Variants in MRM3 observed in about 807,000 individuals in gnomAD.
MRM3 encodes the protein rRNA methyltransferase 3, mitochondrial.
A neutral mutation model predicts 29.4 loss-of-function variants in MRM3; 26 were observed. The observed-to-expected ratio is 0.89, with a 90% confidence interval of 0.65 to 1.23. The LOEUF (loss-of-function observed/expected upper bound fraction) is 1.23. Ranked by LOEUF, MRM3 falls within the 50% of genes most tolerant of loss-of-function variation. The pLI, the probability that MRM3 is intolerant of heterozygous loss-of-function variation, is 0.00. For synonymous variants in MRM3, 225 were observed against 219.0 expected (o/e 1.03, Z -0.24); for missense variants, 578 against 540.2 (o/e 1.07, Z -0.69).
chr17:788,245 TAGTG>T, intron 3 of MRM3, 113 bp downstream of exon 3: 1 of 978,692 alleles, frequency 1.0e-6, no homozygotes. Flanking sequence ...CTGGGCAACA[TAGTG>T]AGACCTCATC....
Position 788,014 on chromosome 17 carries a change from G to C in MRM3, c.609G>C (p.Gln203His), listed in dbSNP as rs111607370. Residue 203 changes from glutamine to histidine, a missense_variant, in exon 3 of 4, where the codon CAG (glutamine) becomes CAC (histidine). Transcript: ENST00000304478. The stretch of plus-strand genomic sequence containing the variant: ...TTAAGATGACATATCCAAAGACTCA[G>C]CTTCAGCATTCACTGCCTTTATTAT... Reference protein sequence around the residue: ...DHVKMTYPKTQLQHSLPLLLI... With the variant: ...DHVKMTYPKTHLQHSLPLLLI... 2.5e-6 allele frequency: 4 copies of C among 1,614,158 alleles called. No homozygotes were observed. Among genetic ancestry groups the C allele is most frequent in the African/African-American group, 2.7e-5 (2 of 75,056 alleles).
Position 792,210 on chromosome 17 carries a change from TAAG to T in MRM3, c.*144_*146del. The T allele has an allele frequency of 2.5e-6, 2 of 790,086 alleles. No individual in the cohort carries two copies. Among genetic ancestry groups the T allele is most frequent in the Non-Finnish European group, 3.9e-6 (2 of 513,462 alleles). The allele number at this position is 790,086 out of a possible 1,614,324, so 48.9% of individuals were successfully genotyped here. On this transcript the variant is annotated 3_prime_UTR_variant, in exon 4 of 4. Coordinates refer to ENST00000304478, the MANE Select transcript of MRM3 (RefSeq NM_018146.4). ...TGCCGTCATACAGTTACAGGAAAAATAAGAACTTCCTCAGAAAGAACAGGTCCG... is the reference window on the plus strand; with the variant it reads ...TGCCGTCATACAGTTACAGGAAAAATAACTTCCTCAGAAAGAACAGGTCCG...
intron 2 of MRM3, among the ~76,000 whole-genome samples, chr17:783,845 C>T (rs1487272434): frequency 6.6e-6 from 1 of 152,184 alleles, no homozygotes; most frequent in Non-Finnish European, 1.5e-5. Context: ...GGAAGAACCA[C>T]TATTCCTCAA....
chr17:789,638 C>G (rs961931551), intron 3 of MRM3: 1 of 152,236 alleles, frequency 6.6e-6, no homozygotes, highest in Non-Finnish European at 1.5e-5. Flanking sequence ...AGCTCTTTCT[C>G]AGTCACGCCT....
rs757769368 is a variant in MRM3 at position 782,673 on chromosome 17, C to G, written c.295C>G (p.Pro99Ala). The G allele has an allele frequency of 2.5e-6, 4 of 1,605,564 alleles. No individual in the cohort carries two copies. In the African/African-American group the frequency reaches 4.0e-5, roughly 16 times the overall value. ...ESGLRYDKAY[P>A]GDRRLSSVMT... ...TGGGCTTCGCTACGATAAAGCTTAT[C>G]CCGGGGACAGGAGGCTGAGGTGATG... The change falls in exon 1 of 4, where the codon CCC (proline) becomes GCC (alanine). Residue 99 changes from proline to alanine, a missense_variant. Coordinates refer to ENST00000304478, the MANE Select transcript of MRM3 (RefSeq NM_018146.4).
At chr17:785,176 T>C (rs1439691072) in intron 2 of MRM3, among the ~76,000 whole-genome samples, 4 of 152,008 alleles carry the variant, frequency 2.6e-5, no homozygotes, top group Non-Finnish European at 5.9e-5. Context: ...AAAAAAAAGC[T>C]TACTAAAAGG....
In MRM3 at chr17:791,970, C is replaced by G. The variant is rs150450629; in HGVS notation, c.1164C>G (p.Ser388Arg). The G allele has an allele frequency of 6.2e-7, 1 of 1,614,044 alleles. No homozygotes were observed. Among genetic ancestry groups the G allele is most frequent in the Admixed American group, 1.7e-5 (1 of 60,028 alleles). The change falls in exon 4 of 4, where the codon AGC (serine) becomes AGG (arginine). Residue 388 changes from serine to arginine, a missense_variant. Physicochemically the swap from Ser to Arg is moderately radical, Grantham distance 110. Transcript: ENST00000304478. ...LLIPVVPGVD[S>R]LNSAMAASIL... ...TCCCCGTTGTGCCTGGTGTGGACAGCCTCAACTCGGCCATGGCGGCAAGCA... is the reference window on the plus strand; with the variant it reads ...TCCCCGTTGTGCCTGGTGTGGACAGGCTCAACTCGGCCATGGCGGCAAGCA...
Position 787,788 on chromosome 17 carries a change from A to G in MRM3, c.560-177A>G, listed in dbSNP as rs1297844946. Among the ~76,000 whole-genome samples, 1 of 152,152 alleles carries G rather than the reference A, an allele frequency of 6.6e-6. No homozygotes were observed. The highest frequency in any genetic ancestry group is 6.5e-5 in the Admixed American group (1 of 15,282). On this transcript the variant is annotated intron_variant, in intron 2 of 3. Transcript: ENST00000304478. This position sits in a 1 kb window ranked among gnomAD's most constrained non-coding sequence, Gnocchi z 4.1. ...GGTCTCGGACTCCTGACCTCAGGTG[A>G]TCCACCCGCCTTGGCCTCCCGAAGT...
At chr17:788,550 T>A (rs555083091) in intron 3 of MRM3, among the ~76,000 whole-genome samples, 1 of 148,686 alleles carries the variant, frequency 6.7e-6, no homozygotes, top group East Asian at 2.1e-4. Context: ...TGGCTCTGAC[T>A]CAAGCAGTCC....
chr17:783,283 A>G lies in MRM3; in HGVS notation c.515A>G (p.Asp172Gly), dbSNP rs373136858. ...AGCCTCATTAAGGTGAAATTTGAGGATATCAAGGATTGGTCCGACCTCGTA... is the reference window on the plus strand; with the variant it reads ...AGCCTCATTAAGGTGAAATTTGAGGGTATCAAGGATTGGTCCGACCTCGTA... ...GVSLIKVKFE[D>G]IKDWSDLVTP... Residue 172 changes from aspartate to glycine, a missense_variant, in exon 2 of 4, where the codon GAT (aspartate) becomes GGT (glycine). By Grantham distance (94) the Asp-to-Gly change is moderately conservative (BLOSUM62 -1). Coordinates refer to ENST00000304478, the MANE Select transcript of MRM3 (RefSeq NM_018146.4). 2 of 1,613,592 alleles carry G rather than the reference A, an allele frequency of 1.2e-6. No homozygotes were observed. Among genetic ancestry groups the G allele is most frequent in the South Asian group, 2.2e-5 (2 of 91,070 alleles).
At chr17:782,865 T>G (rs562813428) in intron 1 of MRM3, among the ~76,000 whole-genome samples, 173 bp downstream of exon 1, 118 of 152,326 alleles carry the variant, frequency 7.7e-4, no homozygotes, top group Non-Finnish European at 1.1e-3. Flanking sequence ...TCCTTAGCTC[T>G]TTGTTGTTGT....
At chr17:789,355 G>A (rs920274369) in intron 3 of MRM3, among the ~76,000 whole-genome samples, 2 of 152,140 alleles carry the variant, frequency 1.3e-5, no homozygotes, top group African/African-American at 2.4e-5. Flanking sequence ...ATTGTGATCC[G>A]TTTCCCTTAG....
rs370567226 is a variant in MRM3, at chr17:782,474, G to C, written c.96G>C (p.Ala32=). The change falls in exon 1 of 4, where the codon GCG becomes GCC. Residue 32 remains alanine, a synonymous_variant. Transcript: ENST00000304478. ...TTGACGCGAGGCGCTGGGTCCGGGC[G>C]CTGCGGCGGAGCCCAGTGAAAGTGG... is the stretch of plus-strand genomic sequence containing the variant. ...WDLDARRWVR[A]LRRSPVKVVF... is the part of the protein sequence containing the mutation. 7 of 1,613,696 alleles carry C rather than the reference G, an allele frequency of 4.3e-6. No individual in the cohort carries two copies. Among genetic ancestry groups the C allele is most frequent in the Non-Finnish European group, 5.9e-6 (7 of 1,179,828 alleles).
chr17:789,382 C>T (rs1211908238), intron 3 of MRM3, among the ~76,000 whole-genome samples: 2 of 152,158 alleles, frequency 1.3e-5, no homozygotes, highest in Non-Finnish European at 2.9e-5. Flanking sequence ...TTAGCCTCAG[C>T]GTGGGTCACA....
intron 2 of MRM3, among the ~76,000 whole-genome samples, chr17:786,419 G>A (rs1259836781): frequency 1.3e-5 from 2 of 152,020 alleles, no homozygotes; most frequent in South Asian, 2.1e-4. Context: ...GACTACAGGC[G>A]CCCGTCACCA....
chr17:784,288 G>C (rs1017863551), intron 2 of MRM3, among the ~76,000 whole-genome samples: 1 of 152,190 alleles, frequency 6.6e-6, no homozygotes, highest in Non-Finnish European at 1.5e-5. Context: ...GAGTCACAGG[G>C]ATCTGTGCCT....
chr17:786,376 C>A (rs1046724315), intron 2 of MRM3, among the ~76,000 whole-genome samples: 58 of 152,264 alleles, frequency 3.8e-4, no homozygotes, highest in African/African-American at 1.4e-3. Flanking sequence ...CGGGTTCACA[C>A]CATTCTCCTG....
At chr17:790,362 C>G (rs992544268) in intron 3 of MRM3, 4 of 156,230 alleles carry the variant, frequency 2.6e-5, no homozygotes, top group Non-Finnish European at 5.7e-5. Flanking sequence ...AACTATAGAT[C>G]TGATTCTGTC....
At chr17:788,160 G>A in intron 3 of MRM3, 28 bp downstream of exon 3, 1 of 1,611,920 alleles carries the variant, frequency 6.2e-7, no homozygotes, top group Non-Finnish European at 8.5e-7. Context: ...CAGGCATAGT[G>A]GCTCACACTC....
Sources: allele counts gnomAD v4.1 joint callset (sites outside exome capture counted in the v4.1 genomes callset), GRCh38; gene constraint gnomAD v4.1.1; non-coding constraint Gnocchi (gnomAD v3.1); transcripts MANE v1.5; gene names NCBI Gene and HGNC (gene_info 2026-07-23, HGNC 2026-07-21).